PDE4D: variants seen among roughly 807,000 people sequenced by gnomAD.
PDE4D encodes 3',5'-cyclic-AMP phosphodiesterase 4D.
In PDE4D, 24 loss-of-function variants were observed where a neutral mutation model predicts 87.4. The observed-to-expected ratio is 0.27, with a 90% CI of 0.20 to 0.39. PDE4D has a LOEUF of 0.39. Ranked by LOEUF, PDE4D falls within the 10% of genes least tolerant of loss-of-function variation. The probability of loss-of-function intolerance (pLI) is 1.00; values close to 1 mark genes in which losing one functional copy is unlikely to be tolerated. For missense variants in PDE4D, 714 were observed against 1,041.0 expected, an observed-to-expected ratio of 0.69 and a Z score of 4.32; for synonymous variants, 384 against 383.2, an observed-to-expected ratio of 1.00 and a Z score of -0.02.
At chr5:60,500,380 T>TG (rs1253707714) in intron 1 of PDE4D, among the ~76,000 whole-genome samples, 5 of 152,296 alleles carry the variant, frequency 3.3e-5, no homozygotes, top group Non-Finnish European at 5.9e-5. Context: ...AATTTCCACT[T>TG]GAAAATATTT....
At chr5:59,976,462 C>T (rs566911642) in intron 3 of PDE4D, among the ~76,000 whole-genome samples, 26 of 152,234 alleles carry the variant, frequency 1.7e-4, no homozygotes, top group Non-Finnish European at 3.5e-4. Flanking sequence ...CACCTGCCCC[C>T]TCTCTTATTC....
intron 1 of PDE4D, among the ~76,000 whole-genome samples, chr5:59,700,303 A>G (rs576106887): frequency 6.6e-6 from 1 of 152,348 alleles, no homozygotes; most frequent in South Asian, 2.1e-4. Flanking sequence ...TATTTTACCA[A>G]CAACCCAACT....
intron 3 of PDE4D, among the ~76,000 whole-genome samples, chr5:59,947,091 G>T (rs1030411420): frequency 6.6e-6 from 1 of 152,178 alleles, no homozygotes; most frequent in African/African-American, 2.4e-5. Flanking sequence ...TTGCCAATGA[G>T]ACCAAGCTGG....
intron 1 of PDE4D, among the ~76,000 whole-genome samples, chr5:60,499,019 C>T (rs181908783): frequency 1.3e-5 from 2 of 152,320 alleles, no homozygotes; most frequent in African/African-American, 2.4e-5. Flanking sequence ...AAACTCTTAC[C>T]AAACCCAAAC....
intron 3 of PDE4D, among the ~76,000 whole-genome samples, chr5:59,966,435 G>A (rs990937316): frequency 2.0e-5 from 3 of 152,136 alleles, no homozygotes; most frequent in South Asian, 4.1e-4. Flanking sequence ...TCTCTCAGGT[G>A]TATAGGCCTA....
At chr5:59,886,685 A>G (rs1750208483) in intron 1 of PDE4D, among the ~76,000 whole-genome samples, 1 of 152,076 alleles carries the variant, frequency 6.6e-6, no homozygotes, top group Non-Finnish European at 1.5e-5. Flanking sequence ...AGGAAGAAGC[A>G]GCCTCAGCAA....
intron 1 of PDE4D, among the ~76,000 whole-genome samples, chr5:59,397,748 A>G (rs1789717820): frequency 8.5e-6 from 1 of 118,316 alleles, no homozygotes; most frequent in Non-Finnish European, 1.8e-5. Flanking sequence ...AACTGAAGGA[A>G]ATAGAGACAC....
chr5:59,674,031 T>C (rs1287894314), intron 1 of PDE4D, among the ~76,000 whole-genome samples: 1 of 152,228 alleles, frequency 6.6e-6, no homozygotes, highest in Non-Finnish European at 1.5e-5. Context: ...AAATGCTTCA[T>C]TTTATTTCTC....
At chr5:60,092,727 G>A (rs1019881156) in intron 2 of PDE4D, among the ~76,000 whole-genome samples, 1 of 152,058 alleles carries the variant, frequency 6.6e-6, no homozygotes, top group Non-Finnish European at 1.5e-5. Context: ...CTCCAATGAG[G>A]CCTAAAAGTG....
intron 1 of PDE4D, among the ~76,000 whole-genome samples, chr5:60,282,740 T>C (rs980817029): frequency 1.3e-5 from 2 of 152,162 alleles, no homozygotes; most frequent in Admixed American, 1.3e-4. Context: ...GGTTAAGACA[T>C]AGGCATATGC....
intron 2 of PDE4D, among the ~76,000 whole-genome samples, chr5:60,016,623 C>T (rs1438538125): frequency 6.6e-6 from 1 of 152,192 alleles, no homozygotes; most frequent in Non-Finnish European, 1.5e-5. Context: ...ACCTTTGCTG[C>T]TATTTCAACA....
At chr5:59,023,189 A>AAAAAAAAAAAG (rs536478976) in intron 6 of PDE4D, among the ~76,000 whole-genome samples, 1 of 150,240 alleles carries the variant, frequency 6.7e-6, no homozygotes, top group African/African-American at 2.5e-5. Flanking sequence ...AAAAAAAAAA[A>AAAAAAAAAAAG]AGAGAGAGAG....
At chr5:59,620,370 G>A (rs1262395861) in intron 1 of PDE4D, among the ~76,000 whole-genome samples, 1 of 152,142 alleles carries the variant, frequency 6.6e-6, no homozygotes, top group Non-Finnish European at 1.5e-5. Flanking sequence ...ACAATGAAGG[G>A]TTAGCAAGAA....
intron 1 of PDE4D, among the ~76,000 whole-genome samples, chr5:59,252,355 C>T (rs543907034): frequency 5.9e-5 from 9 of 152,164 alleles, no homozygotes; most frequent in East Asian, 5.8e-4. Context: ...CTTTGGTGTC[C>T]GGAAGTCTAG....
At chr5:59,466,016 A>G (rs1801538495) in intron 1 of PDE4D, among the ~76,000 whole-genome samples, 1 of 152,192 alleles carries the variant, frequency 6.6e-6, no homozygotes, top group African/African-American at 2.4e-5. Context: ...TTATATCTGC[A>G]TTCAATGACA....
intron 7 of PDE4D, among the ~76,000 whole-genome samples, chr5:58,992,441 C>A (rs3805553): frequency 0.82 from 124,104 of 152,054 alleles, 50,804 homozygotes; most frequent in Admixed American, 0.88. Flanking sequence ...AAACTTTATA[C>A]GCAAATGTCA....
chr5:59,670,538 T>C (rs572517063), intron 1 of PDE4D, among the ~76,000 whole-genome samples: 1 of 152,222 alleles, frequency 6.6e-6, no homozygotes, highest in African/African-American at 2.4e-5. Flanking sequence ...ATACGAAACA[T>C]AAATAAATTT....
intron 1 of PDE4D, among the ~76,000 whole-genome samples, chr5:60,408,913 T>C (rs891190787): frequency 1.3e-5 from 2 of 152,230 alleles, no homozygotes; most frequent in Admixed American, 6.5e-5. Context: ...ATCATAATGA[T>C]TCTTTTTATC....
chr5:59,326,427 T>C (rs1175196838), intron 1 of PDE4D, among the ~76,000 whole-genome samples: 1 of 151,996 alleles, frequency 6.6e-6, no homozygotes, highest in Non-Finnish European at 1.5e-5. Context: ...ATATAGTCTA[T>C]AGAGTAGCCC....
Sources: gnomAD v4.1 joint callset for allele counts (sites outside exome capture counted in the v4.1 genomes callset) on GRCh38, gnomAD v4.1.1 for gene constraint, MANE v1.5 for transcripts, NCBI Gene and HGNC (gene_info 2026-07-23, HGNC 2026-07-21) for gene names.